Variants in PAM observed in about 807,000 individuals in gnomAD.
The protein encoded by PAM is peptidyl-glycine alpha-amidating monooxygenase.
Under a neutral mutation model 122.1 loss-of-function variants are expected in PAM, and 72 were observed. The ratio of observed to expected loss-of-function variants is 0.59; its 90% confidence interval spans 0.49 to 0.72. The LOEUF (loss-of-function observed/expected upper bound fraction) is 0.72, where lower values mean the gene tolerates loss of function less well. Ranked by LOEUF, PAM falls within the 30% of genes least tolerant of loss-of-function variation. The pLI is 0.00. For missense variants in PAM, 1,106 were observed against 1,183.7 expected (o/e 0.93, Z 0.96); for synonymous variants, 389 against 404.4 (o/e 0.96, Z 0.46).
Position 102,852,398 on chromosome 5 carries a change from T to C in PAM, c.-373-13425T>C, listed in dbSNP as rs569656137. Among the ~76,000 whole-genome samples the C allele has an allele frequency of 1.3e-4, 20 of 152,300 alleles. No homozygotes were observed. In the South Asian group the frequency reaches 4.1e-3, roughly 32 times the overall value. On this transcript the variant is annotated intron_variant, in intron 1 of 25. Transcript: ENST00000438793. ...TGTGTAAATTTTGTATCTTTATGAA[T>C]AGTTTATTTAAAAGAGTAATGCTCT...
chr5:102,898,153 G>A (rs979396311), intron 3 of PAM, among the ~76,000 whole-genome samples: 1 of 151,482 alleles, frequency 6.6e-6, no homozygotes, highest in African/African-American at 2.4e-5. Flanking sequence ...TCAGTAAAAA[G>A]GCATCAGCAA....
chr5:102,951,248 G>C (rs1192897144), intron 12 of PAM, among the ~76,000 whole-genome samples: 2 of 151,870 alleles, frequency 1.3e-5, no homozygotes, highest in African/African-American at 4.8e-5. Flanking sequence ...ATAATTTCCA[G>C]TTGTTTAGTC....
Position 102,949,888 on chromosome 5 carries a change from T to C in PAM, c.725-14T>C, listed in dbSNP as rs761834098. 4 of 1,357,650 alleles carry C rather than the reference T, an allele frequency of 2.9e-6. No homozygotes were observed. Among genetic ancestry groups the C allele is most frequent in the Non-Finnish European group, 4.2e-6 (4 of 953,698 alleles). 84.1% of individuals were successfully genotyped at this position (1,357,650 alleles called of 1,614,324 possible). On this transcript the variant is annotated splice_polypyrimidine_tract_variant and intron_variant, in intron 10 of 25. Transcript: ENST00000438793. Reference sequence around the variant, plus strand: ...CTTATTATATTAAATGATTAAAATTTGTGTTTATTACAGGTAAGGTAGTAA... The same window carrying C: ...CTTATTATATTAAATGATTAAAATTCGTGTTTATTACAGGTAAGGTAGTAA...
At chr5:102,783,979 C>T (rs7736761) in intron 1 of PAM, among the ~76,000 whole-genome samples, 5,470 of 151,948 alleles carry the variant, frequency 0.036, 338 homozygotes, top group African/African-American at 0.12. Flanking sequence ...TCACTGCAAG[C>T]TCCGCCTCCA....
intron 1 of PAM, among the ~76,000 whole-genome samples, chr5:102,763,929 C>A (rs550523857): frequency 2.0e-5 from 3 of 152,010 alleles, no homozygotes; most frequent in East Asian, 3.9e-4. Context: ...TCTGTGGGGG[C>A]GTGAGTTGGA....
intron 5 of PAM, among the ~76,000 whole-genome samples, chr5:102,917,059 A>G (rs2151614296): frequency 6.6e-6 from 1 of 152,154 alleles, no homozygotes; most frequent in Middle Eastern, 3.4e-3. Flanking sequence ...TTATTTAAAT[A>G]TGGTATACAT....
intron 4 of PAM, among the ~76,000 whole-genome samples, chr5:102,901,920 G>T (rs562207048): frequency 1.3e-5 from 2 of 151,456 alleles, no homozygotes; most frequent in South Asian, 4.2e-4. Flanking sequence ...GAACATTTAT[G>T]TTGTTGTTTG....
chr5:102,864,509 T>C (rs1784994389), intron 1 of PAM: 1 of 152,226 alleles, frequency 6.6e-6, no homozygotes. Flanking sequence ...AGGTTTTATT[T>C]ATATTTGGTA....
chr5:102,810,235 G>A lies in PAM; in HGVS notation c.-374+54887G>A, dbSNP rs532170408. 1.1e-4 allele frequency among the ~76,000 whole-genome samples: 17 copies of A among 152,158 alleles called. No homozygotes were observed. The East Asian group carries it at 2.7e-3, about 24-fold the overall frequency. ...CATTTTGAACCCTTAAAATATCCAC[G>A]AAAATACACTTTTGCTGACTTGATT... On this transcript the variant is annotated intron_variant, in intron 1 of 25. Transcript: ENST00000438793.
chr5:102,991,701 A>C (rs1466388440), intron 16 of PAM, among the ~76,000 whole-genome samples: 1 of 152,160 alleles, frequency 6.6e-6, no homozygotes, highest in African/African-American at 2.4e-5. Flanking sequence ...ATGGAATCTG[A>C]AAAAGATCAC....
chr5:102,770,465 GT>G (rs1755432760), intron 1 of PAM, among the ~76,000 whole-genome samples: 1 of 152,022 alleles, frequency 6.6e-6, no homozygotes, highest in East Asian at 1.9e-4. Flanking sequence ...AAGGCTTTCA[GT>G]TTTTTCCCAT....
chr5:102,920,402 A>T (rs1379958235), intron 5 of PAM, among the ~76,000 whole-genome samples: 1 of 152,110 alleles, frequency 6.6e-6, no homozygotes, highest in Non-Finnish European at 1.5e-5. Flanking sequence ...CTGCCTGTCT[A>T]ACCTTATTGG....
chr5:102,876,080 A>T (rs889059029), intron 3 of PAM, among the ~76,000 whole-genome samples: 1 of 152,142 alleles, frequency 6.6e-6, no homozygotes, highest in African/African-American at 2.4e-5. Context: ...AGAGCTCTCC[A>T]CCTCACTAGA....
intron 1 of PAM, among the ~76,000 whole-genome samples, chr5:102,809,805 G>A (rs942492779): frequency 2.9e-4 from 44 of 152,216 alleles, no homozygotes; most frequent in African/African-American, 9.9e-4. Flanking sequence ...CTTAAATATC[G>A]TAATGCTTAG....
intron 20 of PAM, 82 bp downstream of exon 20, chr5:103,007,739 T>A: frequency 2.4e-6 from 2 of 846,062 alleles, no homozygotes; most frequent in Admixed American, 2.4e-5. Flanking sequence ...TGTGCTCTTT[T>A]TATAAATTTT....
intron 1 of PAM, among the ~76,000 whole-genome samples, chr5:102,851,101 G>T (rs569522130): frequency 6.6e-6 from 1 of 152,206 alleles, no homozygotes; most frequent in South Asian, 2.1e-4. Context: ...TCGGATGCAC[G>T]ATTCATTTAG....
intron 3 of PAM, among the ~76,000 whole-genome samples, chr5:102,883,529 A>G (rs1157935715): frequency 6.6e-6 from 1 of 152,008 alleles, no homozygotes; most frequent in Non-Finnish European, 1.5e-5. Flanking sequence ...CTGTTGATGT[A>G]TAGCAGAGCT....
At chr5:102,835,386 A>G (rs1186355048) in intron 1 of PAM, among the ~76,000 whole-genome samples, 2 of 152,180 alleles carry the variant, frequency 1.3e-5, no homozygotes, top group South Asian at 2.1e-4. Flanking sequence ...CATTAAGAGT[A>G]TATCTGACAT....
intron 15 of PAM, among the ~76,000 whole-genome samples, chr5:102,979,775 G>T (rs1311529873): frequency 6.6e-6 from 1 of 151,930 alleles, no homozygotes. Flanking sequence ...ATTAATTGAT[G>T]CAATTTTAAT....
Sources: allele counts gnomAD v4.1 joint callset (sites outside exome capture counted in the v4.1 genomes callset), GRCh38; gene constraint gnomAD v4.1.1; transcripts MANE v1.5; gene names NCBI Gene and HGNC (gene_info 2026-07-23, HGNC 2026-07-21).